Variants in RAPGEF5 observed in about 807,000 individuals in gnomAD.
The protein encoded by RAPGEF5 is M-Ras-regulated GEF.
In RAPGEF5, 65 loss-of-function variants were observed where a neutral mutation model predicts 125.2. The ratio of observed to expected loss-of-function variants is 0.52; its 90% CI spans 0.43 to 0.64. The LOEUF (loss-of-function observed/expected upper bound fraction) is 0.64, where lower values mean the gene tolerates loss of function less well. Among genes scored for constraint, RAPGEF5 ranks in the 30% least tolerant of loss-of-function variants. The pLI is 0.00. For missense variants in RAPGEF5, 958 were observed against 1,048.1 expected (o/e 0.91, Z 1.19); for synonymous variants, 391 against 385.9 (o/e 1.01, Z -0.16).
intron 6 of RAPGEF5, among the ~76,000 whole-genome samples, chr7:22,269,010 C>T (rs1357706206): frequency 1.3e-5 from 2 of 152,010 alleles, no homozygotes; most frequent in Non-Finnish European, 2.9e-5. Context: ...AAGAACTTCA[C>T]AGTTCAACTT....
chr7:22,356,698 C>G (rs987583055), intron 1 of RAPGEF5, 132 bp downstream of exon 1: 28 of 407,354 alleles, frequency 6.9e-5, no homozygotes, highest in African/African-American at 5.4e-4. Context: ...CCTCTTCAGC[C>G]GAGTCCGGCA....
At chr7:22,220,018 T>A (rs778922787) in intron 8 of RAPGEF5, 27 bp from the exon 9 acceptor site, 2 of 1,612,470 alleles carry the variant, frequency 1.2e-6, no homozygotes, top group Non-Finnish European at 8.5e-7. Flanking sequence ...AAAGCGAAGA[T>A]ATACTTAAAA....
At chr7:22,130,610 G>T (rs1426295931) in intron 24 of RAPGEF5, among the ~76,000 whole-genome samples, 1 of 152,136 alleles carries the variant, frequency 6.6e-6, no homozygotes, top group Non-Finnish European at 1.5e-5. Flanking sequence ...ATCCCCAGGA[G>T]AGGAACTTTT....
At chr7:22,219,654 T>C (rs1210979035) in intron 9 of RAPGEF5, among the ~76,000 whole-genome samples, 1 of 152,162 alleles carries the variant, frequency 6.6e-6, no homozygotes, top group Non-Finnish European at 1.5e-5. Context: ...AATTTACTTT[T>C]GAGAAGAGTC....
intron 7 of RAPGEF5, among the ~76,000 whole-genome samples, chr7:22,234,873 TATA>T (rs144737054): frequency 0.078 from 11,898 of 152,154 alleles, 586 homozygotes; most frequent in South Asian, 0.14. Flanking sequence ...GTAACTCTAT[TATA>T]ATAATAATAC....
chr7:22,190,341 T>C (rs1784953809), intron 11 of RAPGEF5, among the ~76,000 whole-genome samples: 1 of 152,180 alleles, frequency 6.6e-6, no homozygotes, highest in Admixed American at 6.5e-5. Context: ...GATGACTTCT[T>C]GCGCCTTTCA....
chr7:22,306,933 C>T (rs746121140), intron 5 of RAPGEF5, among the ~76,000 whole-genome samples: 26 of 152,128 alleles, frequency 1.7e-4, no homozygotes, highest in African/African-American at 4.8e-4. Flanking sequence ...ATGCAATTAC[C>T]ATGCTGTTTG....
chr7:22,260,055 TTCAG>T (rs919157617), intron 7 of RAPGEF5, among the ~76,000 whole-genome samples: 1 of 151,878 alleles, frequency 6.6e-6, no homozygotes, highest in Non-Finnish European at 1.5e-5. Flanking sequence ...CTGCACTCAC[TTCAG>T]TCTGGGCAAC....
chr7:22,339,074 G>C (rs1362192941), intron 1 of RAPGEF5, among the ~76,000 whole-genome samples: 1 of 152,128 alleles, frequency 6.6e-6, no homozygotes, highest in African/African-American at 2.4e-5. Context: ...GAGTTTAACT[G>C]GTGTATGACC....
intron 5 of RAPGEF5, among the ~76,000 whole-genome samples, chr7:22,298,101 C>T (rs71526396): frequency 0.2 from 29,648 of 151,420 alleles, 3,326 homozygotes; most frequent in East Asian, 0.5. Context: ...GTAAACTCCC[C>T]TTTTTCATAA....
chr7:22,247,559 C>T (rs981524151), intron 7 of RAPGEF5, among the ~76,000 whole-genome samples: 1 of 152,164 alleles, frequency 6.6e-6, no homozygotes, highest in Non-Finnish European at 1.5e-5. Context: ...TCTCCTTCAC[C>T]TTCTGCCATG....
At chr7:22,254,686 C>T (rs776169334) in intron 7 of RAPGEF5, among the ~76,000 whole-genome samples, 2 of 151,562 alleles carry the variant, frequency 1.3e-5, no homozygotes, top group Admixed American at 6.6e-5. Flanking sequence ...GCACCAGGGA[C>T]CAGTTTCACG....
chr7:22,339,307 AG>A (rs1307133746), intron 1 of RAPGEF5, among the ~76,000 whole-genome samples: 1 of 152,222 alleles, frequency 6.6e-6, no homozygotes, highest in Non-Finnish European at 1.5e-5. Flanking sequence ...TATGCCTCTC[AG>A]TTGAATTCTT....
At chr7:22,239,145 C>T (rs1314333876) in intron 7 of RAPGEF5, among the ~76,000 whole-genome samples, 1 of 152,070 alleles carries the variant, frequency 6.6e-6, no homozygotes, top group African/African-American at 2.4e-5. Context: ...TCCCAGGGCC[C>T]TGCTATGGAG....
At chr7:22,206,690 A>G in intron 9 of RAPGEF5, among the ~76,000 whole-genome samples, 1 of 129,182 alleles carries the variant, frequency 7.7e-6, no homozygotes, top group Non-Finnish European at 1.8e-5. Flanking sequence ...TGTCACAAGA[A>G]AAAAAAAAAA....
intron 7 of RAPGEF5, among the ~76,000 whole-genome samples, chr7:22,255,691 C>G (rs1037505334): frequency 6.6e-6 from 1 of 152,094 alleles, no homozygotes; most frequent in Non-Finnish European, 1.5e-5. Context: ...TATTTTGGTA[C>G]ATGAAGAACA....
intron 9 of RAPGEF5, among the ~76,000 whole-genome samples, chr7:22,219,519 A>T (rs1785726146): frequency 6.6e-6 from 1 of 151,344 alleles, no homozygotes; most frequent in African/African-American, 2.4e-5. Flanking sequence ...GTTTTTTCAA[A>T]ATTCATGTTC....
intron 9 of RAPGEF5, among the ~76,000 whole-genome samples, chr7:22,195,445 A>G (rs569875621): frequency 6.6e-6 from 1 of 152,216 alleles, no homozygotes; most frequent in African/African-American, 2.4e-5. Flanking sequence ...ACAGCAATAT[A>G]ATTTTATGAT....
At chr7:22,245,095 A>C (rs1786441633) in intron 7 of RAPGEF5, among the ~76,000 whole-genome samples, 1 of 152,164 alleles carries the variant, frequency 6.6e-6, no homozygotes. Context: ...TTTTTGCAGG[A>C]ACCTGTTGGC....
Sources: allele counts gnomAD v4.1 joint callset (sites outside exome capture counted in the v4.1 genomes callset), GRCh38; gene constraint gnomAD v4.1.1; transcripts MANE v1.5; gene names NCBI Gene and HGNC (gene_info 2026-07-23, HGNC 2026-07-21).